The following ZSWIM5 variants were observed in gnomAD, a reference collection of about 807,000 sequenced individuals.
ZSWIM5 encodes zinc finger SWIM-type containing 5.
Under a neutral mutation model 119.6 loss-of-function variants are expected in ZSWIM5, and 55 were observed. The observed-to-expected ratio is 0.46, with a 90% CI of 0.37 to 0.58. The LOEUF (loss-of-function observed/expected upper bound fraction) is 0.58, where lower values mean the gene tolerates loss of function less well. Among genes scored for constraint, ZSWIM5 ranks in the 20% least tolerant of loss-of-function variants. The pLI, the probability that ZSWIM5 is intolerant of heterozygous loss-of-function variation, is 0.00. For missense variants in ZSWIM5, 1,193 were observed against 1,512.8 expected (o/e 0.79, Z 3.51); for synonymous variants, 537 against 606.9 (o/e 0.88, Z 1.69).
chr1:45,175,995 C>T (rs184744372), intron 1 of ZSWIM5, among the ~76,000 whole-genome samples: 1 of 151,914 alleles, frequency 6.6e-6, no homozygotes, highest in Non-Finnish European at 1.5e-5. Flanking sequence ...TGCCTCACCC[C>T]TAAATTCAGC....
chr1:45,102,723 G>A (rs868115420), intron 1 of ZSWIM5, among the ~76,000 whole-genome samples: 2 of 152,246 alleles, frequency 1.3e-5, no homozygotes, highest in Middle Eastern at 3.4e-3. Flanking sequence ...TTCCTGATTT[G>A]TGATTAAAAT....
At chr1:45,078,940 CCT>C (rs1319753392) in intron 2 of ZSWIM5, among the ~76,000 whole-genome samples, 1 of 152,174 alleles carries the variant, frequency 6.6e-6, no homozygotes, top group Non-Finnish European at 1.5e-5. Context: ...CATCGTATCC[CCT>C]GTGACCTGAA....
intron 1 of ZSWIM5, among the ~76,000 whole-genome samples, chr1:45,183,204 A>G (rs1325499526): frequency 2.6e-5 from 4 of 151,236 alleles, no homozygotes; most frequent in Non-Finnish European, 5.9e-5. Flanking sequence ...AACCAACGAG[A>G]ACAAAGACAC....
intron 1 of ZSWIM5, among the ~76,000 whole-genome samples, chr1:45,131,440 A>C (rs1645655821): frequency 6.6e-6 from 1 of 152,082 alleles, no homozygotes; most frequent in African/African-American, 2.4e-5. Flanking sequence ...AATCAAAATC[A>C]CAGCCGGGTG....
At chr1:45,183,867 G>C (rs1646038960) in intron 1 of ZSWIM5, among the ~76,000 whole-genome samples, 1 of 152,126 alleles carries the variant, frequency 6.6e-6, no homozygotes, top group Non-Finnish European at 1.5e-5. Flanking sequence ...CCAATCAATA[G>C]AAAAAGAGGG....
intron 1 of ZSWIM5, among the ~76,000 whole-genome samples, chr1:45,168,481 A>G (rs928224543): frequency 2.0e-5 from 3 of 151,138 alleles, no homozygotes; most frequent in Admixed American, 6.6e-5. Flanking sequence ...AAAGTATAAT[A>G]AATATATATA....
chr1:45,065,432 G>A (rs1274086764), intron 2 of ZSWIM5, among the ~76,000 whole-genome samples: 1 of 152,136 alleles, frequency 6.6e-6, no homozygotes, highest in Non-Finnish European at 1.5e-5. Flanking sequence ...GGTTTGAAGG[G>A]GTATGGAAAA....
At chr1:45,153,760 CAA>C (rs1216334714) in intron 1 of ZSWIM5, among the ~76,000 whole-genome samples, 2 of 151,010 alleles carry the variant, frequency 1.3e-5, no homozygotes, top group African/African-American at 4.9e-5. Flanking sequence ...TCAGACGAGA[CAA>C]AGAAATAAAA....
intron 5 of ZSWIM5, among the ~76,000 whole-genome samples, chr1:45,047,033 AAAAAAG>A (rs1645060194): frequency 6.6e-6 from 1 of 151,826 alleles, no homozygotes; most frequent in East Asian, 1.9e-4. Flanking sequence ...AAAAAAAAAA[AAAAAAG>A]AAAGAGAGGT....
At chr1:45,097,499 G>A (rs2149016047) in intron 1 of ZSWIM5, among the ~76,000 whole-genome samples, 1 of 152,162 alleles carries the variant, frequency 6.6e-6, no homozygotes, top group African/African-American at 2.4e-5. Context: ...AAATGAAGTA[G>A]TAAAGGACCT....
intron 2 of ZSWIM5, among the ~76,000 whole-genome samples, chr1:45,079,751 C>G (rs1375385765): frequency 6.6e-6 from 1 of 152,232 alleles, no homozygotes; most frequent in Non-Finnish European, 1.5e-5. Flanking sequence ...CAGCAAGTTT[C>G]AGAGTCTCAC....
At chr1:45,182,578 A>T (rs1378495375) in intron 1 of ZSWIM5, among the ~76,000 whole-genome samples, 1 of 152,198 alleles carries the variant, frequency 6.6e-6, no homozygotes, top group Non-Finnish European at 1.5e-5. Flanking sequence ...TGGAAAACAA[A>T]AAAAGGCAGG....
chr1:45,039,199 C>T (rs897963777), intron 7 of ZSWIM5, 126 bp from the exon 8 acceptor site: 7 of 1,227,024 alleles, frequency 5.7e-6, no homozygotes, highest in Non-Finnish European at 8.0e-6. Flanking sequence ...TCTCTATTGT[C>T]TTGCCTTGGG....
At chr1:45,085,057 T>C (rs1019724358) in intron 2 of ZSWIM5, among the ~76,000 whole-genome samples, 8 of 152,222 alleles carry the variant, frequency 5.3e-5, no homozygotes, top group African/African-American at 1.7e-4. Flanking sequence ...TCCAGGCATT[T>C]CCATACATCC....
intron 2 of ZSWIM5, among the ~76,000 whole-genome samples, chr1:45,061,028 G>A (rs1240667758): frequency 6.6e-6 from 1 of 151,968 alleles, no homozygotes. Flanking sequence ...TTCATACAGG[G>A]TGATATGATT....
At chr1:45,043,763 C>A (rs1024086334) in intron 5 of ZSWIM5, among the ~76,000 whole-genome samples, 11 of 152,074 alleles carry the variant, frequency 7.2e-5, no homozygotes, top group African/African-American at 2.7e-4. Context: ...CATGAAGACA[C>A]AAACTGCTTC....
intron 1 of ZSWIM5, among the ~76,000 whole-genome samples, chr1:45,180,683 C>T (rs914591537): frequency 2.0e-5 from 3 of 152,116 alleles, no homozygotes; most frequent in African/African-American, 7.2e-5. Context: ...GAGGCACCCC[C>T]CAGTAGGGGC....
intron 1 of ZSWIM5, among the ~76,000 whole-genome samples, chr1:45,106,713 A>G (rs10127477): frequency 0.021 from 3,128 of 152,316 alleles, 116 homozygotes; most frequent in African/African-American, 0.072. Context: ...CAACAGCTCC[A>G]AAGAGACAGC....
At chr1:45,179,396 G>T (rs1305472470) in intron 1 of ZSWIM5, among the ~76,000 whole-genome samples, 2 of 152,008 alleles carry the variant, frequency 1.3e-5, no homozygotes, top group Non-Finnish European at 2.9e-5. Context: ...TAAACACTGG[G>T]CATATGTGGT....
Sources: allele counts gnomAD v4.1 joint callset (sites outside exome capture counted in the v4.1 genomes callset), GRCh38; gene constraint gnomAD v4.1.1; transcripts MANE v1.5; gene names NCBI Gene and HGNC (gene_info 2026-07-23, HGNC 2026-07-21).